The following FBXL20 variants were observed in gnomAD, a reference collection of about 807,000 sequenced individuals.
The protein encoded by FBXL20 is F-box/LRR-repeat protein 20.
A neutral mutation model predicts 64.0 loss-of-function variants in FBXL20; 11 were observed. The observed-to-expected ratio is 0.17, with a 90% CI of 0.11 to 0.28. The LOEUF (loss-of-function observed/expected upper bound fraction) is 0.28. Among genes scored for constraint, FBXL20 ranks in the 10% least tolerant of loss-of-function variants. The pLI is 1.00. For synonymous variants in FBXL20, 184 were observed against 189.0 expected (o/e 0.97, Z 0.22); for missense variants, 303 against 526.2 (o/e 0.58, Z 4.15).
At chr17:39,332,485 C>T (rs1273865236) in intron 2 of FBXL20, among the ~76,000 whole-genome samples, 1 of 150,824 alleles carries the variant, frequency 6.6e-6, no homozygotes, top group Non-Finnish European at 1.5e-5. Flanking sequence ...CTTCTAGTTT[C>T]CTACACATTT....
At chr17:39,263,495 A>G (rs1027945513) in intron 14 of FBXL20, among the ~76,000 whole-genome samples, 1 of 152,170 alleles carries the variant, frequency 6.6e-6, no homozygotes, top group Non-Finnish European at 1.5e-5. Flanking sequence ...AGCCTGGGTG[A>G]CAGAGGAGAC....
intron 2 of FBXL20, among the ~76,000 whole-genome samples, chr17:39,332,892 C>T (rs1439038804): frequency 6.6e-6 from 1 of 152,064 alleles, no homozygotes; most frequent in Non-Finnish European, 1.5e-5. Context: ...CATGATGAGT[C>T]CTGTGGATCC....
intron 2 of FBXL20, among the ~76,000 whole-genome samples, chr17:39,327,070 G>A (rs754542322): frequency 2.0e-4 from 30 of 152,044 alleles, no homozygotes; most frequent in Non-Finnish European, 2.9e-4. Flanking sequence ...ATTTTTAGTA[G>A]AGACAACGTT....
At position 39,310,045 on chromosome 17, in the gene FBXL20, C is replaced by T. The variant is rs901528581; in HGVS notation, c.105-6406G>A. 3.3e-5 allele frequency among the ~76,000 whole-genome samples: 5 copies of T among 150,444 alleles called. No homozygotes were observed. The South Asian group carries it at 8.4e-4, about 25-fold the overall frequency. ...GCGTGTGCCTGTAGCCTCAGTTACT[C>T]GGGAGGCTGAGGCGGGAGGATTGTT... On this transcript the variant is annotated intron_variant, in intron 2 of 14. Coordinates refer to ENST00000264658, the MANE Select transcript of FBXL20 (RefSeq NM_032875.3).
Position 39,401,574 on chromosome 17 carries a change from T to G in FBXL20, c.-172A>C. 1.6e-5 allele frequency: 22 copies of G among 1,390,528 alleles called. No homozygotes were observed. Among genetic ancestry groups the G allele is most frequent in the East Asian group, 2.9e-5 (1 of 34,408 alleles). 86.1% of individuals were successfully genotyped at this position (1,390,528 alleles called of 1,614,324 possible). The stretch of plus-strand genomic sequence containing the variant: ...CGGCTCCGGCTAGGCCTCCACCACC[T>G]CCCGCGGCGCCGGCGGCCGCAACGA... On this transcript the variant is annotated 5_prime_UTR_variant, in exon 1 of 15. Coordinates refer to ENST00000264658, the MANE Select transcript of FBXL20 (RefSeq NM_032875.3).
intron 8 of FBXL20, among the ~76,000 whole-genome samples, chr17:39,282,413 A>G (rs2046956589): frequency 1.3e-5 from 2 of 152,358 alleles, no homozygotes; most frequent in Non-Finnish European, 2.9e-5. Context: ...AGTATCAGGC[A>G]GTGACAACAA....
chr17:39,365,970 T>G (rs1271485928), intron 1 of FBXL20, among the ~76,000 whole-genome samples: 1 of 152,140 alleles, frequency 6.6e-6, no homozygotes, highest in African/African-American at 2.4e-5. Flanking sequence ...AGGTGGATAC[T>G]AAAAGACAAC....
chr17:39,330,550 G>A (rs896518817), intron 2 of FBXL20, among the ~76,000 whole-genome samples: 1 of 152,150 alleles, frequency 6.6e-6, no homozygotes, highest in Non-Finnish European at 1.5e-5. Context: ...GGAAGCGGAG[G>A]TTGCAGTGAG....
chr17:39,365,303 TTTTG>T (rs1167831405), intron 1 of FBXL20, among the ~76,000 whole-genome samples: 2 of 152,224 alleles, frequency 1.3e-5, no homozygotes, highest in Non-Finnish European at 2.9e-5. Context: ...GGAAAAACAT[TTTTG>T]TTTGGCCAGA....
rs1295909806 is a variant in FBXL20 at position 39,300,743 on chromosome 17, TAGTCCTATTTCAAGACCAAAG to T, written c.234+237_234+257del. Among the ~76,000 whole-genome samples the T allele has an allele frequency of 3.9e-5, 6 of 152,340 alleles. No individual in the cohort carries two copies. In the East Asian group the frequency reaches 1.2e-3, roughly 29 times the overall value. ...TGTTTCCACTGCAAAAACAAACTTT[TAGTCCTATTTCAAGACCAAAG>T]AGTCCTATTTAGTCCTAGTAATACT... On this transcript the variant is annotated intron_variant, in intron 4 of 14. Transcript: ENST00000264658.
intron 1 of FBXL20, among the ~76,000 whole-genome samples, chr17:39,380,734 T>A (rs2048013685): frequency 6.6e-6 from 1 of 152,204 alleles, no homozygotes; most frequent in African/African-American, 2.4e-5. Flanking sequence ...TGTCCACTTT[T>A]ATACGCTCAG....
chr17:39,306,353 TTATC>T (rs987012992), intron 2 of FBXL20, among the ~76,000 whole-genome samples: 1 of 152,030 alleles, frequency 6.6e-6, no homozygotes, highest in Non-Finnish European at 1.5e-5. Context: ...GTAATCCACT[TTATC>T]TATTTTTTCT....
chr17:39,346,414 T>C (rs1277235894), intron 1 of FBXL20, among the ~76,000 whole-genome samples: 1 of 151,988 alleles, frequency 6.6e-6, no homozygotes, highest in African/African-American at 2.4e-5. Context: ...AGGAAACCTG[T>C]ATACAGTTTA....
intron 1 of FBXL20, among the ~76,000 whole-genome samples, chr17:39,360,204 T>TA (rs1285204619): frequency 6.6e-6 from 1 of 151,962 alleles, no homozygotes; most frequent in Non-Finnish European, 1.5e-5. Context: ...AGAGAAAGGA[T>TA]AGTGGTGGTT....
intron 1 of FBXL20, among the ~76,000 whole-genome samples, chr17:39,359,300 C>T (rs943062615): frequency 6.6e-6 from 1 of 152,174 alleles, no homozygotes; most frequent in African/African-American, 2.4e-5. Flanking sequence ...TATGCAACTT[C>T]ACTCCAGCCT....
chr17:39,309,434 T>C (rs567761869), intron 2 of FBXL20, among the ~76,000 whole-genome samples: 1 of 152,324 alleles, frequency 6.6e-6, no homozygotes, highest in South Asian at 2.1e-4. Flanking sequence ...CTAGGACTTA[T>C]ACTTCTATAC....
At chr17:39,262,368 G>A (rs143681012) in intron 14 of FBXL20, among the ~76,000 whole-genome samples, 35 of 152,070 alleles carry the variant, frequency 2.3e-4, no homozygotes, top group African/African-American at 8.0e-4. Flanking sequence ...TGCAACCTCC[G>A]CCTCCTGGTT....
At chr17:39,268,784 T>C in intron 12 of FBXL20, 43 bp downstream of exon 12, 1 of 1,526,084 alleles carries the variant, frequency 6.6e-7, no homozygotes, top group Non-Finnish European at 9.1e-7. Flanking sequence ...ATTATCTAAG[T>C]GTCTACTATA....
intron 1 of FBXL20, among the ~76,000 whole-genome samples, chr17:39,357,788 C>G (rs1397753142): frequency 6.6e-6 from 1 of 152,220 alleles, no homozygotes; most frequent in Non-Finnish European, 1.5e-5. Context: ...AAATTAACTT[C>G]TGCTCTTCTT....
Sources: allele counts gnomAD v4.1 joint callset (sites outside exome capture counted in the v4.1 genomes callset), GRCh38; gene constraint gnomAD v4.1.1; transcripts MANE v1.5; gene names NCBI Gene and HGNC (gene_info 2026-07-23, HGNC 2026-07-21).